Variants in MAP3K20 observed in about 807,000 individuals in gnomAD.
MAP3K20 encodes mitogen-activated protein kinase kinase kinase 20, also known as HCCS-4.
In MAP3K20, 40 loss-of-function variants were observed where a neutral mutation model predicts 85.7. The observed-to-expected ratio is 0.47, with a 90% CI of 0.36 to 0.61. MAP3K20 has a LOEUF of 0.61. Among genes scored for constraint, MAP3K20 ranks in the 20% least tolerant of loss-of-function variants. The probability of loss-of-function intolerance (pLI) is 0.00; values close to 1 mark genes in which losing one functional copy is unlikely to be tolerated. For missense variants in MAP3K20, 817 were observed against 961.7 expected, an observed-to-expected ratio of 0.85 and a Z score of 1.99; for synonymous variants, 325 against 327.7, an observed-to-expected ratio of 0.99 and a Z score of 0.09.
chr2:173,117,894 A>AT (rs1276102115), intron 2 of MAP3K20, among the ~76,000 whole-genome samples: 1 of 152,142 alleles, frequency 6.6e-6, no homozygotes, highest in Non-Finnish European at 1.5e-5. Context: ...TTTCCTGCCT[A>AT]TCATTCATCA....
At chr2:173,132,500 G>A (rs80323330) in intron 2 of MAP3K20, among the ~76,000 whole-genome samples, 7,960 of 152,126 alleles carry the variant, frequency 0.052, 284 homozygotes, top group Middle Eastern at 0.088. Flanking sequence ...CCCCTCAGGC[G>A]CTTCTTGTCA....
chr2:173,266,104 C>T lies in MAP3K20; in HGVS notation c.1757C>T (p.Thr586Ile), dbSNP rs1013519233. 6.2e-7 allele frequency: 1 copy of T among 1,607,042 alleles called. No individual in the cohort carries two copies. Among genetic ancestry groups the T allele is most frequent in the Non-Finnish European group, 8.5e-7 (1 of 1,176,618 alleles). The change falls in exon 20 of 20, where the codon ACT (threonine) becomes ATT (isoleucine). Residue 586 changes from threonine (T) to isoleucine (I), a missense_variant. Physicochemically the swap from Thr to Ile is moderately conservative, Grantham distance 89. Around this residue, in one of 4 missense-constraint regions of MAP3K20, gnomAD observed 454 missense variants for 476.9 expected, o/e 0.95. Coordinates refer to ENST00000375213, the MANE Select transcript of MAP3K20 (RefSeq NM_016653.3). ...AGGATGCGGCAGATTGCATCCAACA[C>T]TTCTTTACAGCGTTCCCAGAGCAAT... ...TLRMRQIASNTSLQRSQSNPI... is the reference protein window; with the variant it reads ...TLRMRQIASNISLQRSQSNPI...
At chr2:173,162,897 G>GT (rs1689705815) in intron 2 of MAP3K20, among the ~76,000 whole-genome samples, 2 of 152,144 alleles carry the variant, frequency 1.3e-5, no homozygotes, top group African/African-American at 4.8e-5. Flanking sequence ...GGAAGTAGCT[G>GT]TTGACAATCA....
intron 2 of MAP3K20, among the ~76,000 whole-genome samples, chr2:173,159,126 C>G (rs1225262898): frequency 6.6e-6 from 1 of 152,170 alleles, no homozygotes; most frequent in Non-Finnish European, 1.5e-5. Flanking sequence ...TTTTTACTCA[C>G]CTAGTCCAAT....
At chr2:173,124,052 C>G (rs1688372808) in intron 2 of MAP3K20, among the ~76,000 whole-genome samples, 1 of 152,140 alleles carries the variant, frequency 6.6e-6, no homozygotes, top group Non-Finnish European at 1.5e-5. Flanking sequence ...CAGTTAATCA[C>G]AGGTGATAGC....
chr2:173,149,207 G>C (rs997428199), intron 2 of MAP3K20, among the ~76,000 whole-genome samples: 1 of 152,168 alleles, frequency 6.6e-6, no homozygotes, highest in Non-Finnish European at 1.5e-5. Flanking sequence ...TATTCTCATG[G>C]TACTTTTCAC....
chr2:173,252,472 A>G (rs923951859), intron 16 of MAP3K20, among the ~76,000 whole-genome samples: 1 of 152,190 alleles, frequency 6.6e-6, no homozygotes, highest in African/African-American at 2.4e-5. Context: ...AAACATGCAT[A>G]TTCTGGGCAC....
chr2:173,215,933 C>G (rs1230408860), intron 10 of MAP3K20: 2 of 152,160 alleles, frequency 1.3e-5, no homozygotes, highest in Non-Finnish European at 2.9e-5. Flanking sequence ...ATGATTATGC[C>G]ATCACAACAC....
chr2:173,200,097 G>A (rs141677253), intron 8 of MAP3K20, among the ~76,000 whole-genome samples: 1 of 152,140 alleles, frequency 6.6e-6, no homozygotes, highest in Non-Finnish European at 1.5e-5. Flanking sequence ...CCTACATGGT[G>A]AAATACATTT....
At chr2:173,261,694 T>C (rs1011234937) in intron 18 of MAP3K20, among the ~76,000 whole-genome samples, 1 of 152,192 alleles carries the variant, frequency 6.6e-6, no homozygotes, top group Non-Finnish European at 1.5e-5. Context: ...TACACCAGTT[T>C]GATCACACTA....
intron 11 of MAP3K20, 34 bp from the exon 12 acceptor site, chr2:173,229,655 T>A (rs754386778): frequency 6.2e-7 from 1 of 1,607,136 alleles, no homozygotes; most frequent in Non-Finnish European, 8.5e-7. Context: ...TAATATTACT[T>A]TTTTTTTTCA....
At chr2:173,199,764 A>T (rs1365984070) in intron 8 of MAP3K20, among the ~76,000 whole-genome samples, 1 of 151,798 alleles carries the variant, frequency 6.6e-6, no homozygotes, top group Non-Finnish European at 1.5e-5. Context: ...AATAATATCT[A>T]AAGGGTGGCA....
At chr2:173,121,901 T>C (rs982741647) in intron 2 of MAP3K20, among the ~76,000 whole-genome samples, 1 of 152,184 alleles carries the variant, frequency 6.6e-6, no homozygotes, top group Non-Finnish European at 1.5e-5. Context: ...TTAGTCTCCA[T>C]CCTTGCCATC....
At position 173,150,803 on chromosome 2, in the gene MAP3K20, C is replaced by T. The variant is rs1689284561; in HGVS notation, c.160-19002C>T. Reference sequence around the variant, plus strand: ...CTGGTCTTGAACTCGACCTTGTGATCCGCCCGCCTTGACCTCCCAAAGTGC... The same window carrying T: ...CTGGTCTTGAACTCGACCTTGTGATTCGCCCGCCTTGACCTCCCAAAGTGC... On this transcript the variant is annotated intron_variant, in intron 2 of 19. Coordinates refer to ENST00000375213, the MANE Select transcript of MAP3K20 (RefSeq NM_016653.3). 3.3e-5 allele frequency among the ~76,000 whole-genome samples: 5 copies of T among 152,144 alleles called. No homozygotes were observed. In the South Asian group the frequency reaches 8.3e-4, roughly 25 times the overall value.
At chr2:173,130,691 A>G (rs567779426) in intron 2 of MAP3K20, among the ~76,000 whole-genome samples, 12 of 152,354 alleles carry the variant, frequency 7.9e-5, no homozygotes, top group African/African-American at 2.6e-4. Flanking sequence ...GGGTGTGATC[A>G]GTCTGGGACG....
intron 10 of MAP3K20, chr2:173,210,169 T>C (rs1683838564): frequency 3.9e-6 from 1 of 259,090 alleles, no homozygotes; most frequent in Non-Finnish European, 7.6e-6. Context: ...TTGACCAACA[T>C]GGAGAAACCC....
chr2:173,209,527 A>G (rs1376838815), intron 9 of MAP3K20: 2 of 436,978 alleles, frequency 4.6e-6, no homozygotes, highest in Non-Finnish European at 8.1e-6. Context: ...CTCCTTGTGA[A>G]TAGTTCACCG....
At position 173,128,924 on chromosome 2, in the gene MAP3K20, T is replaced by TTC. The variant is rs1553567208; in HGVS notation, c.159+37735_159+37736insCT. 8.2e-5 allele frequency among the ~76,000 whole-genome samples: 12 copies of TTC among 146,072 alleles called. No homozygotes were observed. The East Asian group carries it at 2.0e-3, about 24-fold the overall frequency. On this transcript the variant is annotated intron_variant, in intron 2 of 19. Coordinates refer to ENST00000375213, the MANE Select transcript of MAP3K20 (RefSeq NM_016653.3). ...AGATCAATTTTAGAAATCTTTTCTT[T>TTC]TTTTTTTTTTTTTTTTGAGGCAGAG... is the stretch of plus-strand genomic sequence containing the variant.
intron 1 of MAP3K20, among the ~76,000 whole-genome samples, chr2:173,082,639 C>T (rs1445828625): frequency 6.6e-6 from 1 of 152,212 alleles, no homozygotes; most frequent in Non-Finnish European, 1.5e-5. Flanking sequence ...CGGCTTTCTC[C>T]TCATCCCCAG....
Sources: gnomAD v4.1 joint callset for allele counts (sites outside exome capture counted in the v4.1 genomes callset) on GRCh38, gnomAD v4.1.1 for gene constraint, gnomAD v4.1.1 regional missense constraint, MANE v1.5 for transcripts, NCBI Gene and HGNC (gene_info 2026-07-23, HGNC 2026-07-21) for gene names.